Variants in SYT1 observed in about 807,000 individuals in gnomAD.
SYT1 encodes synaptotagmin-1.
A neutral mutation model predicts 44.8 loss-of-function variants in SYT1; 8 were observed. That is an observed-to-expected ratio of 0.18 (90% confidence interval 0.10 to 0.32). The LOEUF is 0.32. Among genes scored for constraint, SYT1 ranks in the 10% least tolerant of loss-of-function variants. The pLI is 1.00. For synonymous variants in SYT1, 154 were observed against 188.8 expected (o/e 0.82, Z 1.51); for missense variants, 286 against 509.3 (o/e 0.56, Z 4.22).
At chr12:79,383,053 G>GC (rs5799430) in intron 9 of SYT1, among the ~76,000 whole-genome samples, 67,818 of 151,990 alleles carry the variant, frequency 0.45, 18,039 homozygotes, top group African/African-American at 0.75. Context: ...GCTAATAGAG[G>GC]CCTTATAGTG....
At chr12:79,248,016 G>A (rs772743323) in intron 4 of SYT1, among the ~76,000 whole-genome samples, 38 of 152,272 alleles carry the variant, frequency 2.5e-4, no homozygotes, top group African/African-American at 9.1e-4. Flanking sequence ...AGAATAGTCC[G>A]AATAATTAAG....
chr12:78,911,497 T>A (rs1437154584), intron 1 of SYT1, among the ~76,000 whole-genome samples: 1 of 144,980 alleles, frequency 6.9e-6, no homozygotes, highest in Non-Finnish European at 1.5e-5. Flanking sequence ...GAGGAAAGAC[T>A]AAAATAAGGC....
At chr12:79,040,267 C>T (rs1873455967) in intron 2 of SYT1, among the ~76,000 whole-genome samples, 1 of 151,328 alleles carries the variant, frequency 6.6e-6, no homozygotes, top group Admixed American at 6.6e-5. Context: ...TATTTCTCCA[C>T]ATCCTCTCCA....
chr12:78,875,723 A>T (rs1380952265), intron 1 of SYT1, among the ~76,000 whole-genome samples: 1 of 151,676 alleles, frequency 6.6e-6, no homozygotes, highest in Non-Finnish European at 1.5e-5. Flanking sequence ...ATATGTTTCC[A>T]GTGTGTGTTC....
chr12:79,356,022 G>A (rs74107435), intron 9 of SYT1, among the ~76,000 whole-genome samples: 1 of 151,870 alleles, frequency 6.6e-6, no homozygotes, highest in African/African-American at 2.4e-5. Flanking sequence ...GAATATTGGG[G>A]ATTCATCTTA....
intron 8 of SYT1, among the ~76,000 whole-genome samples, chr12:79,328,651 C>T (rs1246553327): frequency 2.0e-5 from 3 of 152,052 alleles, no homozygotes; most frequent in Non-Finnish European, 4.4e-5. Context: ...TCGAGACCAT[C>T]CTGGCTAACA....
At chr12:79,409,004 C>T (rs773522913) in intron 9 of SYT1, among the ~76,000 whole-genome samples, 1 of 152,014 alleles carries the variant, frequency 6.6e-6, no homozygotes, top group Non-Finnish European at 1.5e-5. Flanking sequence ...TCAAATTTCT[C>T]ATCGGGCCAG....
At chr12:78,965,811 G>A (rs891695086) in intron 1 of SYT1, among the ~76,000 whole-genome samples, 1 of 152,080 alleles carries the variant, frequency 6.6e-6, no homozygotes, top group African/African-American at 2.4e-5. Context: ...TGGTGCAGTG[G>A]CTCACACCTG....
chr12:78,906,837 C>T (rs562513139), intron 1 of SYT1, among the ~76,000 whole-genome samples: 1 of 152,092 alleles, frequency 6.6e-6, no homozygotes, highest in Non-Finnish European at 1.5e-5. Context: ...GTTAACATCT[C>T]ATCACCAAAA....
chr12:79,019,865 T>A (rs1160095494), intron 2 of SYT1, among the ~76,000 whole-genome samples: 1 of 149,430 alleles, frequency 6.7e-6, no homozygotes, highest in Non-Finnish European at 1.5e-5. Flanking sequence ...AGATGTTTCC[T>A]GTGATGCAAA....
At chr12:79,020,273 A>G (rs1390114658) in intron 2 of SYT1, among the ~76,000 whole-genome samples, 2 of 151,946 alleles carry the variant, frequency 1.3e-5, no homozygotes, top group African/African-American at 2.4e-5. Flanking sequence ...CATGTTGCGA[A>G]TGTGACTCAT....
chr12:79,317,122 C>T (rs139546384), intron 8 of SYT1, among the ~76,000 whole-genome samples: 1 of 152,254 alleles, frequency 6.6e-6, no homozygotes, highest in East Asian at 1.9e-4. Flanking sequence ...GGGGGGAAAA[C>T]AATCCATTGT....
At chr12:79,272,334 C>A (rs1316835275) in intron 4 of SYT1, among the ~76,000 whole-genome samples, 1 of 152,122 alleles carries the variant, frequency 6.6e-6, no homozygotes, top group East Asian at 1.9e-4. Context: ...TATCTGATTA[C>A]AATGAACGGG....
At chr12:79,118,576 G>T (rs201570940) in intron 3 of SYT1, among the ~76,000 whole-genome samples, 1 of 152,102 alleles carries the variant, frequency 6.6e-6, no homozygotes, top group Non-Finnish European at 1.5e-5. Context: ...AACAGCACTA[G>T]TATAGAAATT....
chr12:79,264,226 C>G (rs1877998580), intron 4 of SYT1, among the ~76,000 whole-genome samples: 1 of 150,240 alleles, frequency 6.7e-6, no homozygotes, highest in African/African-American at 2.5e-5. Context: ...GTCACCCAAG[C>G]TGGAGTGCAG....
intron 9 of SYT1, among the ~76,000 whole-genome samples, chr12:79,416,307 G>A (rs1156976956): frequency 6.6e-6 from 1 of 152,130 alleles, no homozygotes; most frequent in Non-Finnish European, 1.5e-5. Flanking sequence ...ATATTTGCCT[G>A]GAAGTCCCTT....
chr12:79,133,082 G>C (rs1824442226), intron 3 of SYT1, among the ~76,000 whole-genome samples: 1 of 152,164 alleles, frequency 6.6e-6, no homozygotes, highest in Non-Finnish European at 1.5e-5. Context: ...AGTTACTAGA[G>C]GCTTGGAATG....
At position 79,258,238 on chromosome 12, in the gene SYT1, C is replaced by T. The variant is rs181305321; in HGVS notation, c.167-27549C>T. On this transcript the variant is annotated intron_variant, in intron 4 of 10. Coordinates refer to ENST00000261205, the MANE Select transcript of SYT1 (RefSeq NM_005639.3). ...GATTTATTTTATTTCAGAATGACTG[C>T]GATGGTGTTGGAAAACAGGGTTTTA... Among the ~76,000 whole-genome samples the T allele has an allele frequency of 4.6e-5, 7 of 152,190 alleles. 1 individual carries two copies. The highest frequency in any genetic ancestry group is 3.3e-4 in the Admixed American group (5 of 15,292).
At chr12:79,333,468 C>G (rs990302167) in intron 8 of SYT1, among the ~76,000 whole-genome samples, 4 of 152,164 alleles carry the variant, frequency 2.6e-5, no homozygotes, top group African/African-American at 9.7e-5. Context: ...ATTCACAGCA[C>G]AGTGTACCTA....
Sources: allele counts gnomAD v4.1 joint callset (sites outside exome capture counted in the v4.1 genomes callset), GRCh38; gene constraint gnomAD v4.1.1; transcripts MANE v1.5; gene names NCBI Gene and HGNC (gene_info 2026-07-23, HGNC 2026-07-21).